C11orf58: variants seen among roughly 807,000 people sequenced by gnomAD.
C11orf58 encodes chromosome 11 open reading frame 58, also known as small acidic protein.
A neutral mutation model predicts 22.7 loss-of-function variants in C11orf58; 5 were observed. The observed-to-expected ratio is 0.22, with a 90% confidence interval of 0.12 to 0.46. The LOEUF (loss-of-function observed/expected upper bound fraction) is 0.46. Among genes scored for constraint, C11orf58 ranks in the 20% least tolerant of loss-of-function variants. C11orf58 has a pLI of 0.99. For missense variants in C11orf58, 151 were observed against 223.3 expected (o/e 0.68, Z 2.06); for synonymous variants, 71 against 70.7 (o/e 1.00, Z -0.02).
At position 16,755,026 on chromosome 11, in the gene C11orf58, T is replaced by A; in HGVS notation, c.474T>A (p.Asp158Glu). 1.9e-6 allele frequency: 3 copies of A among 1,614,138 alleles called. No individual in the cohort carries two copies. Among genetic ancestry groups the A allele is most frequent in the Non-Finnish European group, 2.5e-6 (3 of 1,180,038 alleles). ...AACTCCAAGCTGCTGAGCACCCTGA[T>A]GAAGTGGAGGATCCCAAAAACAAAA... is the stretch of plus-strand genomic sequence containing the variant. ...AEELQAAEHPDEVEDPKNKKD... is the reference protein window; with the variant it reads ...AEELQAAEHPEEVEDPKNKKD... Residue 158 changes from aspartate (D) to glutamate (E), a missense_variant, in exon 5 of 5, where the codon GAT becomes GAA. Transcript: ENST00000228136.
intron 1 of C11orf58, among the ~76,000 whole-genome samples, chr11:16,742,672 G>T (rs555765200): frequency 3.9e-5 from 6 of 152,084 alleles, no homozygotes; most frequent in South Asian, 4.2e-4. Flanking sequence ...GGAAATAGTG[G>T]TTTTTTTAAA....
rs1306797471 is a variant in C11orf58, at chr11:16,756,622, C to T, written c.*1518C>T. ...TCTTATGTCACTTTGAAATGTAGAA[C>T]GTGTTGCCATGTGCGGTGGCTCACA... is the stretch of plus-strand genomic sequence containing the variant. On this transcript the variant is annotated 3_prime_UTR_variant, in exon 5 of 5. Transcript: ENST00000228136. 1.3e-5 allele frequency among the ~76,000 whole-genome samples: 2 copies of T among 149,494 alleles called. No individual in the cohort carries two copies. The highest frequency in any genetic ancestry group is 3.0e-5 in the Non-Finnish European group (2 of 67,418).
At chr11:16,743,436 G>T (rs1484873723) in intron 1 of C11orf58, among the ~76,000 whole-genome samples, 2 of 152,052 alleles carry the variant, frequency 1.3e-5, no homozygotes, top group Non-Finnish European at 2.9e-5. Flanking sequence ...ATTCTTGGGT[G>T]GGAGAAAAGC....
chr11:16,751,640 T>A (rs914320195), intron 3 of C11orf58: 1 of 152,134 alleles, frequency 6.6e-6, no homozygotes, highest in Admixed American at 6.5e-5. Flanking sequence ...AAGTGAACAT[T>A]GGGATTTTTT....
chr11:16,738,684 G>A lies in C11orf58; in HGVS notation c.-95G>A. On this transcript the variant is annotated 5_prime_UTR_variant, in exon 1 of 5. Coordinates refer to ENST00000228136, the MANE Select transcript of C11orf58 (RefSeq NM_014267.6). ...GAGGGGCTCTGCGTTCTGTAGTGGC[G>A]CTGCTTGGGCCCTTGGCGGATTGTA... 7.2e-7 allele frequency: 1 copy of A among 1,390,902 alleles called. No homozygotes were observed. Among genetic ancestry groups the A allele is most frequent in the Non-Finnish European group, 1.0e-6 (1 of 980,558 alleles). The allele number at this position is 1,390,902 out of a possible 1,614,324, so 86.2% of individuals were successfully genotyped here.
chr11:16,751,666 T>G (rs1372104317), intron 3 of C11orf58: 2 of 152,190 alleles, frequency 1.3e-5, no homozygotes, highest in Non-Finnish European at 2.9e-5. Flanking sequence ...GTTTCAAACA[T>G]TAGCAGAGAT....
chr11:16,754,302 G>A (rs1848556202), intron 4 of C11orf58, among the ~76,000 whole-genome samples: 2 of 151,694 alleles, frequency 1.3e-5, no homozygotes, highest in Admixed American at 1.3e-4. Context: ...GGAGATAGGT[G>A]TGTGATCTTC....
intron 1 of C11orf58, among the ~76,000 whole-genome samples, chr11:16,741,808 A>AC (rs1215293429): frequency 6.6e-6 from 1 of 151,934 alleles, no homozygotes; most frequent in Non-Finnish European, 1.5e-5. Context: ...GTCTCCCATT[A>AC]CCCCCCAGAT....
At chr11:16,754,330 GTTTTC>G (rs1348637196) in intron 4 of C11orf58, among the ~76,000 whole-genome samples, 5 of 151,336 alleles carry the variant, frequency 3.3e-5, no homozygotes, top group Admixed American at 2.0e-4. Flanking sequence ...CTCCCCTCTT[GTTTTC>G]TTTTGTCTTT....
intron 2 of C11orf58, chr11:16,747,165 G>C (rs974809546): frequency 1.3e-5 from 2 of 152,174 alleles, no homozygotes; most frequent in Non-Finnish European, 2.9e-5. Flanking sequence ...GTTAATGGCT[G>C]TCAGTTTTGC....
chr11:16,752,497 T>C (rs1848541374), intron 3 of C11orf58: 1 of 196,558 alleles, frequency 5.1e-6, no homozygotes. Flanking sequence ...TGTTAGAGAG[T>C]TTTTATTAGG....
intron 2 of C11orf58, among the ~76,000 whole-genome samples, chr11:16,745,937 T>G (rs1307142908): frequency 6.6e-6 from 1 of 152,228 alleles, no homozygotes; most frequent in African/African-American, 2.4e-5. Context: ...ATACATTCAT[T>G]CATTTTCCCA....
intron 2 of C11orf58, among the ~76,000 whole-genome samples, chr11:16,746,167 A>T (rs1435566218): frequency 6.6e-6 from 1 of 152,244 alleles, no homozygotes; most frequent in South Asian, 2.1e-4. Context: ...ATTGATCTGA[A>T]TCTCAAAGGA....
rs993629913 is a variant in C11orf58, at chr11:16,756,229, T to C, written c.*1125T>C. 2 of 151,630 alleles carry C rather than the reference T, an allele frequency of 1.3e-5. No individual in the cohort carries two copies. Among genetic ancestry groups the C allele is most frequent in the African/African-American group, 4.8e-5 (2 of 41,334 alleles). 9.4% of individuals were successfully genotyped at this position (151,630 alleles called of 1,614,324 possible). Reference sequence around the variant, plus strand: ...TGTTTGTGAGCTGAGCTATTATACATCTACATACTTAAAGGATGTATTTGG... The same window carrying C: ...TGTTTGTGAGCTGAGCTATTATACACCTACATACTTAAAGGATGTATTTGG... On this transcript the variant is annotated 3_prime_UTR_variant, in exon 5 of 5. Transcript: ENST00000228136.
chr11:16,755,438 C>A lies in C11orf58; in HGVS notation c.*334C>A, dbSNP rs1363499637. 5.7e-6 allele frequency: 1 copy of A among 176,098 alleles called. No homozygotes were observed. The highest frequency in any genetic ancestry group is 2.4e-5 in the African/African-American group (1 of 41,842). The allele number at this position is 176,098 out of a possible 1,614,324, so 10.9% of individuals were successfully genotyped here. A position where few individuals can be genotyped will look rare whatever the true frequency, so the allele number is the denominator to read the frequency against. On this transcript the variant is annotated 3_prime_UTR_variant, in exon 5 of 5. Transcript: ENST00000228136. Reference sequence around the variant, plus strand: ...ATTTTATCATTTCCTTCATATTTTTCTCTTATAAAAATGTATTTGATACTG... The same window carrying A: ...ATTTTATCATTTCCTTCATATTTTTATCTTATAAAAATGTATTTGATACTG...
chr11:16,750,151 G>T (rs983964196), intron 3 of C11orf58: 1 of 152,194 alleles, frequency 6.6e-6, no homozygotes, highest in African/African-American at 2.4e-5. Flanking sequence ...AATATCAAGA[G>T]TCCTACTTAA....
At chr11:16,740,660 G>A (rs1215973178) in intron 1 of C11orf58, among the ~76,000 whole-genome samples, 2 of 151,798 alleles carry the variant, frequency 1.3e-5, no homozygotes, top group African/African-American at 2.4e-5. Context: ...AGACCCAAGC[G>A]ATCTGCCCAC....
At chr11:16,743,824 AAC>A (rs754251935) in intron 1 of C11orf58, among the ~76,000 whole-genome samples, 1 of 152,148 alleles carries the variant, frequency 6.6e-6, no homozygotes, top group Non-Finnish European at 1.5e-5. Context: ...ATTAAAAAAC[AAC>A]AGTTTTTACA....
At chr11:16,740,405 T>C (rs1161822044) in intron 1 of C11orf58, among the ~76,000 whole-genome samples, 1 of 152,174 alleles carries the variant, frequency 6.6e-6, no homozygotes, top group Non-Finnish European at 1.5e-5. Flanking sequence ...GGTTTTGTTT[T>C]TGTTTTGAGA....
Sources: allele counts gnomAD v4.1 joint callset (sites outside exome capture counted in the v4.1 genomes callset), GRCh38; gene constraint gnomAD v4.1.1; transcripts MANE v1.5; gene names NCBI Gene and HGNC (gene_info 2026-07-23, HGNC 2026-07-21).